The following CERS5 variants were observed in gnomAD, a reference collection of about 807,000 sequenced individuals.
The protein encoded by CERS5 is LAG1 homolog, ceramide synthase 5.
Under a neutral mutation model 58.9 loss-of-function variants are expected in CERS5, and 37 were observed. The observed-to-expected ratio is 0.63, with a 90% CI of 0.48 to 0.83. The LOEUF (loss-of-function observed/expected upper bound fraction) is 0.83, where lower values mean the gene tolerates loss of function less well. Among genes scored for constraint, CERS5 ranks in the 40% least tolerant of loss-of-function variants. The pLI, the probability that CERS5 is intolerant of heterozygous loss-of-function variation, is 0.00. For synonymous variants in CERS5, 147 were observed against 177.8 expected (o/e 0.83, Z 1.38); for missense variants, 398 against 489.3 (o/e 0.81, Z 1.76).
chr12:50,143,920 G>A (rs1269110673), intron 2 of CERS5, 32 bp downstream of exon 2: 1 of 1,334,878 alleles, frequency 7.5e-7, no homozygotes, highest in South Asian at 1.2e-5. Context: ...CGCCTTATGT[G>A]AATATTCCTC....
intron 1 of CERS5, chr12:50,144,651 G>T: frequency 1.9e-6 from 1 of 524,564 alleles, no homozygotes; most frequent in Non-Finnish European, 3.3e-6. Context: ...AGATCTTTCA[G>T]GAGTCGAGAA....
rs552309007 is a variant in CERS5, at chr12:50,148,105, C to T, written c.198-4048G>A. ...ATCACTTGAGCCCAGGAGTTTGAGACCAGCCTGGGAAACGTGGTGAAACCC... is the reference window on the plus strand; with the variant it reads ...ATCACTTGAGCCCAGGAGTTTGAGATCAGCCTGGGAAACGTGGTGAAACCC... On this transcript the variant is annotated intron_variant, in intron 1 of 9. Coordinates refer to ENST00000317551, the MANE Select transcript of CERS5 (RefSeq NM_147190.5). Among the ~76,000 whole-genome samples, 195 of 152,048 alleles carry T rather than the reference C, an allele frequency of 1.3e-3. 1 individual carries two copies. Among genetic ancestry groups the T allele is most frequent in the African/African-American group, 4.6e-3 (192 of 41,486 alleles).
chr12:50,166,879 C>T (rs2138330288), intron 1 of CERS5, among the ~76,000 whole-genome samples: 1 of 152,304 alleles, frequency 6.6e-6, no homozygotes, highest in Non-Finnish European at 1.5e-5. Context: ...GCCCAGCATT[C>T]CCCTAGACCC....
chr12:50,166,974 C>T, intron 1 of CERS5, 127 bp downstream of exon 1: 1 of 787,612 alleles, frequency 1.3e-6, no homozygotes, highest in East Asian at 3.0e-5. Flanking sequence ...CCCGCCGCGG[C>T]CCAAGCTCCC....
intron 2 of CERS5, 34 bp downstream of exon 2, chr12:50,143,918 G>A (rs1230626298): frequency 1.5e-6 from 2 of 1,311,866 alleles, no homozygotes; most frequent in Admixed American, 1.7e-5. Flanking sequence ...AACGCCTTAT[G>A]TGAATATTCC....
chr12:50,144,118 CATA>C (rs1952132717), intron 1 of CERS5, 61 bp from the exon 2 acceptor site: 2 of 920,184 alleles, frequency 2.2e-6, no homozygotes, highest in Non-Finnish European at 3.6e-6. Context: ...ATAGTTGACA[CATA>C]ATAATTGTAC....
intron 1 of CERS5, chr12:50,148,628 G>A (rs1952444645): frequency 3.8e-6 from 1 of 263,152 alleles, no homozygotes; most frequent in Non-Finnish European, 8.3e-6. Flanking sequence ...CGGGCGTGGT[G>A]ACTCAGACTT....
intron 1 of CERS5, among the ~76,000 whole-genome samples, chr12:50,160,304 CAAAAAAAAA>C (rs754917459): frequency 1.1e-4 from 9 of 84,772 alleles, no homozygotes; most frequent in African/African-American, 5.0e-4. Context: ...GACTCTGTCT[CAAAAAAAAA>C]AAAAAGAAAA....
intron 1 of CERS5, among the ~76,000 whole-genome samples, chr12:50,161,714 C>CTGCAA (rs1939279895): frequency 1.5e-5 from 2 of 136,358 alleles, no homozygotes; most frequent in Non-Finnish European, 1.5e-5. Flanking sequence ...GAAGCAGAGG[C>CTGCAA]TGCAATGAGC....
chr12:50,157,684 C>T (rs892743913), intron 1 of CERS5, among the ~76,000 whole-genome samples: 4 of 151,768 alleles, frequency 2.6e-5, no homozygotes, highest in Admixed American at 1.3e-4. Flanking sequence ...AGGCATACAA[C>T]GGAGAATATT....
chr12:50,138,341 T>A (rs1010419914), intron 5 of CERS5, among the ~76,000 whole-genome samples: 15 of 151,640 alleles, frequency 9.9e-5, no homozygotes, highest in African/African-American at 3.6e-4. Flanking sequence ...AAAAAACTCA[T>A]TGGATTTCAT....
At chr12:50,138,732 CAA>C in intron 4 of CERS5, 115 bp from the exon 5 acceptor site, 1 of 889,780 alleles carries the variant, frequency 1.1e-6, no homozygotes, top group Admixed American at 1.8e-5. Flanking sequence ...GAAAAGCCCC[CAA>C]ACAGATTTTA....
chr12:50,142,114 G>T lies in CERS5; in HGVS notation c.435-4C>A, dbSNP rs778254438. 1.3e-6 allele frequency: 2 copies of T among 1,595,496 alleles called. No homozygotes were observed. The highest frequency in any genetic ancestry group is 2.2e-5 in the South Asian group (2 of 89,938). On this transcript the variant is annotated splice_polypyrimidine_tract_variant and splice_region_variant and intron_variant, in intron 3 of 9. Coordinates refer to ENST00000317551, the MANE Select transcript of CERS5 (RefSeq NM_147190.5). ...TAAATAAAATGTGAATCTCCACCTGGGTGGGCAAAGAGTAAAGGTTAGACA... is the reference window on the plus strand; with the variant it reads ...TAAATAAAATGTGAATCTCCACCTGTGTGGGCAAAGAGTAAAGGTTAGACA...
In CERS5 at chr12:50,167,365, G is replaced by A; in HGVS notation, c.-68C>T. On this transcript the variant is annotated 5_prime_UTR_variant, in exon 1 of 10. Coordinates refer to ENST00000317551, the MANE Select transcript of CERS5 (RefSeq NM_147190.5). ...GCCGCCACAGCCAACGGAACCCGCGGGGAGGCGGCCCCAGGGCGGGGCCCG... is the reference window on the plus strand; with the variant it reads ...GCCGCCACAGCCAACGGAACCCGCGAGGAGGCGGCCCCAGGGCGGGGCCCG... The A allele has an allele frequency of 7.0e-7, 1 of 1,438,492 alleles. No homozygotes were observed. The highest frequency in any genetic ancestry group is 9.0e-7 in the Non-Finnish European group (1 of 1,106,556). The allele number at this position is 1,438,492 out of a possible 1,614,324, so 89.1% of individuals were successfully genotyped here.
chr12:50,167,278 C>A lies in CERS5; in HGVS notation c.20G>T (p.Gly7Val). 6.4e-7 allele frequency: 1 copy of A among 1,554,116 alleles called. No homozygotes were observed. The highest frequency in any genetic ancestry group is 8.6e-7 in the Non-Finnish European group (1 of 1,158,494). Residue 7 changes from glycine to valine, a missense_variant, in exon 1 of 10, where the codon GGA becomes GTA. By Grantham distance (109) the Gly-to-Val change is moderately radical. Transcript: ENST00000317551. Reference sequence around the variant, plus strand: ...CCAGCCCCACAGCAAGCTTAGGGGTCCCTGCGCTGCTGTCGCCATCTTACG... The same window carrying A: ...CCAGCCCCACAGCAAGCTTAGGGGTACCTGCGCTGCTGTCGCCATCTTACG... MATAAQGPLSLLWGWLW... is the reference protein window; with the variant it reads MATAAQVPLSLLWGWLW...
intron 1 of CERS5, among the ~76,000 whole-genome samples, chr12:50,145,453 G>C (rs927798691): frequency 5.9e-5 from 9 of 152,100 alleles, no homozygotes; most frequent in Non-Finnish European, 1.2e-4. Flanking sequence ...ATATGACTGG[G>C]AGGTGTAAAA....
intron 1 of CERS5, among the ~76,000 whole-genome samples, chr12:50,146,243 A>G (rs1168697081): frequency 1.3e-5 from 2 of 152,210 alleles, no homozygotes; most frequent in Admixed American, 1.3e-4. Context: ...AAATGAAACA[A>G]TGTATGCCTA....
rs143140993 is a variant in CERS5, at chr12:50,144,194, G to T, written c.198-137C>A. ...ATACATAGTATAATGATGAAACTGG[G>T]GTAATTACCATATCCATCACTTTCA... On this transcript the variant is annotated intron_variant, in intron 1 of 9. Coordinates refer to ENST00000317551, the MANE Select transcript of CERS5 (RefSeq NM_147190.5). The T allele has an allele frequency of 1.7e-4, 97 of 576,420 alleles. No homozygotes were observed. In the African/African-American group the frequency reaches 1.7e-3, roughly 10 times the overall value. The allele number at this position is 576,420 out of a possible 1,614,324, so 35.7% of individuals were successfully genotyped here.
At chr12:50,144,099 AT>A in intron 1 of CERS5, 42 bp from the exon 2 acceptor site, 1 of 1,152,414 alleles carries the variant, frequency 8.7e-7, no homozygotes, top group Non-Finnish European at 1.3e-6. Flanking sequence ...TTTTAAAAAA[AT>A]TTTATTTATA....
Sources: allele counts gnomAD v4.1 joint callset (sites outside exome capture counted in the v4.1 genomes callset), GRCh38; gene constraint gnomAD v4.1.1; transcripts MANE v1.5; gene names NCBI Gene and HGNC (gene_info 2026-07-23, HGNC 2026-07-21).